Variants in SEMA3A observed in about 807,000 individuals in gnomAD.
The protein encoded by SEMA3A is semaphorin 3A, also known as semaphorin-3A.
SEMA3A carries 29 observed loss-of-function variants against 97.9 expected under a neutral mutation model. That is an observed-to-expected ratio of 0.30 (90% CI 0.22 to 0.40). The LOEUF is 0.40. Among genes scored for constraint, SEMA3A ranks in the 10% least tolerant of loss-of-function variants. The pLI is 1.00. For missense variants in SEMA3A, 763 were observed against 951.3 expected (o/e 0.80, Z 2.60); for synonymous variants, 321 against 323.7 (o/e 0.99, Z 0.09).
intron 6 of SEMA3A, among the ~76,000 whole-genome samples, chr7:84,024,428 C>T (rs1269055132): frequency 2.0e-5 from 3 of 152,010 alleles, no homozygotes; most frequent in Non-Finnish European, 4.4e-5. Flanking sequence ...CACCTATAAT[C>T]CCAGCTATTC....
chr7:84,182,353 T>A (rs1196227682), intron 1 of SEMA3A, among the ~76,000 whole-genome samples: 1 of 152,114 alleles, frequency 6.6e-6, no homozygotes, highest in African/African-American at 2.4e-5. Flanking sequence ...AAAATAATAT[T>A]CAAGGCAACC....
At chr7:84,163,277 C>T (rs898223959) in intron 1 of SEMA3A, among the ~76,000 whole-genome samples, 2 of 151,794 alleles carry the variant, frequency 1.3e-5, no homozygotes, top group South Asian at 2.1e-4. Flanking sequence ...TCATTTTAAG[C>T]GATATATATG....
chr7:84,013,931 A>G lies in SEMA3A; in HGVS notation c.810+278T>C, dbSNP rs541958051. ...AACATAAATTACCTTCTCCCAGGTA[A>G]AATAAAACCATTTTGTTACTGTAGA... is the stretch of plus-strand genomic sequence containing the variant. On this transcript the variant is annotated intron_variant, in intron 7 of 16. Coordinates refer to ENST00000265362, the MANE Select transcript of SEMA3A (RefSeq NM_006080.3). 2.6e-5 allele frequency among the ~76,000 whole-genome samples: 4 copies of G among 152,350 alleles called. No homozygotes were observed. In the South Asian group the frequency reaches 8.3e-4, roughly 32 times the overall value.
intron 1 of SEMA3A, among the ~76,000 whole-genome samples, chr7:84,147,040 T>C (rs1031888779): frequency 6.6e-6 from 1 of 152,198 alleles, no homozygotes; most frequent in Non-Finnish European, 1.5e-5. Context: ...TGTTTCAGAG[T>C]GTTCTTCAAA....
intron 6 of SEMA3A, among the ~76,000 whole-genome samples, chr7:84,021,052 C>G (rs935418115): frequency 6.6e-6 from 1 of 152,154 alleles, no homozygotes; most frequent in Non-Finnish European, 1.5e-5. Flanking sequence ...AATATATATA[C>G]TTGAGGTGGG....
At position 84,240,423 on chromosome 7, in the gene SEMA3A, G is replaced by A. The variant is rs190484340; in HGVS notation, c.-82-45755C>T. The stretch of plus-strand genomic sequence containing the variant: ...CAAATGTCCTTATAAGAGAGAGGGC[G>A]GGGGGATTGGGCATATACCCAGAAG... On this transcript the variant is annotated intron_variant, in intron 3 of 3. Transcript: ENST00000424555. Among the ~76,000 whole-genome samples, 407 of 152,082 alleles carry A rather than the reference G, an allele frequency of 2.7e-3. 6 individuals carry two copies. Among genetic ancestry groups the A allele is most frequent in the Middle Eastern group, 3.4e-3 (1 of 294 alleles).
At chr7:83,994,810 C>T (rs1562961173) in intron 12 of SEMA3A, among the ~76,000 whole-genome samples, 2 of 151,982 alleles carry the variant, frequency 1.3e-5, no homozygotes, top group African/African-American at 2.4e-5. Context: ...CCTACAGAGG[C>T]AGGCAGGCCT....
At chr7:84,132,387 A>AT (rs11440754) in intron 2 of SEMA3A, among the ~76,000 whole-genome samples, 122,091 of 151,858 alleles carry the variant, frequency 0.8, 49,128 homozygotes, top group East Asian at 0.93. Flanking sequence ...TGGCTGTAGA[A>AT]TTTTCTTAGC....
intron 3 of SEMA3A, among the ~76,000 whole-genome samples, chr7:84,200,241 C>T (rs1798321218): frequency 6.6e-6 from 1 of 151,874 alleles, no homozygotes; most frequent in Non-Finnish European, 1.5e-5. Flanking sequence ...GGACTCAGAA[C>T]ATAAAAATAT....
At chr7:84,005,048 A>G (rs1477336513) in intron 11 of SEMA3A, among the ~76,000 whole-genome samples, 2 of 152,098 alleles carry the variant, frequency 1.3e-5, no homozygotes, top group African/African-American at 2.4e-5. Flanking sequence ...TCTTCCCTAT[A>G]ATTTTCAGAA....
At chr7:84,063,613 A>C (rs1793347880) in intron 4 of SEMA3A, among the ~76,000 whole-genome samples, 1 of 151,472 alleles carries the variant, frequency 6.6e-6, no homozygotes, top group South Asian at 2.1e-4. Context: ...CGAGAACTAC[A>C]TGAAGAATGC....
At chr7:84,270,533 A>G (rs1043993369) in intron 3 of SEMA3A, among the ~76,000 whole-genome samples, 2 of 148,058 alleles carry the variant, frequency 1.4e-5, no homozygotes, top group African/African-American at 4.9e-5. Flanking sequence ...CATATATATG[A>G]ATAATATATT....
At chr7:84,384,684 G>C (rs955220880) in intron 1 of SEMA3A, among the ~76,000 whole-genome samples, 1 of 152,034 alleles carries the variant, frequency 6.6e-6, no homozygotes, top group African/African-American at 2.4e-5. Context: ...CAACAACTTA[G>C]AACAAGAGAG....
chr7:84,079,600 A>C (rs1442528610), intron 4 of SEMA3A, among the ~76,000 whole-genome samples: 3 of 151,556 alleles, frequency 2.0e-5, no homozygotes, highest in Non-Finnish European at 4.4e-5. Context: ...ACATATGAAA[A>C]AATGCTCATC....
At chr7:84,280,644 CATAGTGGT>C (rs1242808115) in intron 3 of SEMA3A, among the ~76,000 whole-genome samples, 3 of 151,928 alleles carry the variant, frequency 2.0e-5, no homozygotes, top group African/African-American at 7.2e-5. Context: ...ATTAGCTGGG[CATAGTGGT>C]GCACACCTGT....
At chr7:84,109,148 G>A (rs1275897913) in intron 4 of SEMA3A, among the ~76,000 whole-genome samples, 1 of 152,128 alleles carries the variant, frequency 6.6e-6, no homozygotes, top group Non-Finnish European at 1.5e-5. Flanking sequence ...AGCAAAGAGA[G>A]AGTGACTAAA....
intron 13 of SEMA3A, among the ~76,000 whole-genome samples, chr7:83,982,397 T>G (rs1789453714): frequency 6.6e-6 from 1 of 152,204 alleles, no homozygotes; most frequent in Non-Finnish European, 1.5e-5. Context: ...AGGATTTCAG[T>G]ACAACTTTTA....
intron 15 of SEMA3A, among the ~76,000 whole-genome samples, chr7:83,975,252 T>C (rs1235967508): frequency 1.3e-5 from 2 of 152,126 alleles, no homozygotes; most frequent in Non-Finnish European, 2.9e-5. Flanking sequence ...TAACTGAATC[T>C]ATAAAGGGAT....
At position 84,076,966 on chromosome 7, in the gene SEMA3A, T is replaced by C. The variant is rs1340064599; in HGVS notation, c.454-16408A>G. Among the ~76,000 whole-genome samples the C allele has an allele frequency of 2.0e-5, 3 of 152,132 alleles. No individual in the cohort carries two copies. In the East Asian group the frequency reaches 5.8e-4, roughly 29 times the overall value. On this transcript the variant is annotated intron_variant, in intron 4 of 16. Transcript: ENST00000265362. ...AACAGAAAGCATGTGTGTTCAAACTTCATGTAGATTATCTTTTTAATAGGA... is the reference window on the plus strand; with the variant it reads ...AACAGAAAGCATGTGTGTTCAAACTCCATGTAGATTATCTTTTTAATAGGA...
Sources: allele counts gnomAD v4.1 joint callset (sites outside exome capture counted in the v4.1 genomes callset), GRCh38; gene constraint gnomAD v4.1.1; transcripts MANE v1.5; gene names NCBI Gene and HGNC (gene_info 2026-07-23, HGNC 2026-07-21).